Variants in SVIL observed in about 807,000 individuals in gnomAD.
SVIL encodes the protein supervillin.
A neutral mutation model predicts 240.4 loss-of-function variants in SVIL; 101 were observed. The ratio of observed to expected loss-of-function variants is 0.42; its 90% CI spans 0.36 to 0.50. SVIL has a LOEUF of 0.50. Among genes scored for constraint, SVIL ranks in the 20% least tolerant of loss-of-function variants. The probability of loss-of-function intolerance (pLI) is 0.01; values close to 1 mark genes in which losing one functional copy is unlikely to be tolerated. For synonymous variants in SVIL, 999 were observed against 1,100.0 expected (o/e 0.91, Z 1.82); for missense variants, 2,512 against 2,818.7 (o/e 0.89, Z 2.46).
rs375614783 is a variant in SVIL at position 29,554,776 on chromosome 10, C to T, written c.160+7G>A. The T allele has an allele frequency of 8.9e-6, 14 of 1,578,876 alleles. No individual in the cohort carries two copies. Among genetic ancestry groups the T allele is most frequent in the African/African-American group, 5.4e-5 (4 of 73,756 alleles). ...CTGGAAAATGGGCCACCCAGCTCCA[C>T]GCTCACCGATGTGGGGGCTGGCAGG... On this transcript the variant is annotated splice_region_variant and intron_variant, in intron 5 of 37. Coordinates refer to ENST00000355867, the MANE Select transcript of SVIL (RefSeq NM_021738.3).
chr10:29,571,051 C>T (rs1484324965), intron 1 of SVIL, among the ~76,000 whole-genome samples: 1 of 152,194 alleles, frequency 6.6e-6, no homozygotes, highest in Non-Finnish European at 1.5e-5. Context: ...ACGGCTCGGT[C>T]ACACAGCCTG....
rs116054889 is a variant in SVIL, at chr10:29,573,323, C to T, written c.-200-4011G>A. On this transcript the variant is annotated intron_variant, in intron 1 of 37. Transcript: ENST00000355867. Reference sequence around the variant, plus strand: ...AATTCTTTGCCTCACCCATGGATTACGGTACAAAGCAAACTGATTTAAATA... The same window carrying T: ...AATTCTTTGCCTCACCCATGGATTATGGTACAAAGCAAACTGATTTAAATA... 8.6e-3 allele frequency among the ~76,000 whole-genome samples: 1,309 copies of T among 152,038 alleles called. 22 individuals are homozygous for T. The highest frequency in any genetic ancestry group is 0.03 in the African/African-American group (1,229 of 41,464).
intron 16 of SVIL, 52 bp downstream of exon 16, chr10:29,522,358 G>T: frequency 6.3e-7 from 1 of 1,578,248 alleles, no homozygotes; most frequent in South Asian, 1.1e-5. Context: ...CTAAAAGCAA[G>T]CTGTAAGCTC....
intron 1 of SVIL, among the ~76,000 whole-genome samples, chr10:29,696,726 G>A (rs1287248354): frequency 2.0e-5 from 3 of 148,610 alleles, no homozygotes; most frequent in Non-Finnish European, 3.0e-5. Context: ...CAACCGCCCC[G>A]TCTGAGAAGT....
intron 1 of SVIL, among the ~76,000 whole-genome samples, chr10:29,571,470 A>C (rs1955415497): frequency 6.6e-6 from 1 of 152,222 alleles, no homozygotes; most frequent in Admixed American, 6.5e-5. Flanking sequence ...GGGACGCTTG[A>C]GTATTTCCAG....
At chr10:29,513,479 T>C (rs1243005459) in intron 16 of SVIL, among the ~76,000 whole-genome samples, 1 of 152,154 alleles carries the variant, frequency 6.6e-6, no homozygotes, top group African/African-American at 2.4e-5. Flanking sequence ...GAGGTTGCAG[T>C]GAGCCGAGAT....
intron 7 of SVIL, among the ~76,000 whole-genome samples, chr10:29,534,461 C>T (rs1185692737): frequency 6.6e-6 from 1 of 152,194 alleles, no homozygotes; most frequent in African/African-American, 2.4e-5. Flanking sequence ...TATGATTGTA[C>T]AGCTACACTC....
At chr10:29,568,012 G>A (rs1241878963) in intron 2 of SVIL, among the ~76,000 whole-genome samples, 3 of 132,864 alleles carry the variant, frequency 2.3e-5, no homozygotes, top group Admixed American at 7.6e-5. Context: ...GAGAGACTCC[G>A]TCTCAAAAAA....
At chr10:29,643,822 C>G (rs1275437623) in intron 3 of SVIL, among the ~76,000 whole-genome samples, 1 of 152,100 alleles carries the variant, frequency 6.6e-6, no homozygotes, top group South Asian at 2.1e-4. Context: ...TTTTCTCTCC[C>G]GGGCTGTAGC....
In SVIL at chr10:29,533,401, G is replaced by A. The variant is rs758838524; in HGVS notation, c.966C>T (p.Leu322=). The change falls in exon 8 of 38, where the codon CTC becomes CTT. Residue 322 remains leucine (L), a synonymous_variant. Transcript: ENST00000355867. ...TCCTCTGAGTTACGGACTCTGAGGC[G>A]AGTTCAGGGCTGTTTCGAGCACTTT... ...KEESARNSPE[L]ASESVTQRRH... is the part of the protein sequence containing the mutation. The A allele has an allele frequency of 5.0e-5, 80 of 1,614,054 alleles. No homozygotes were observed. The highest frequency in any genetic ancestry group is 6.4e-5 in the Non-Finnish European group (75 of 1,180,028).
intron 7 of SVIL, among the ~76,000 whole-genome samples, 196 bp downstream of exon 7, chr10:29,535,793 G>A (rs577538972): frequency 2.6e-5 from 4 of 152,332 alleles, no homozygotes; most frequent in African/African-American, 9.6e-5. Flanking sequence ...AAAAGAGGGG[G>A]AAGGAGAGAT....
At chr10:29,549,542 A>G (rs1367311986) in intron 6 of SVIL, among the ~76,000 whole-genome samples, 1 of 145,824 alleles carries the variant, frequency 6.9e-6, no homozygotes, top group Non-Finnish European at 1.5e-5. Context: ...AAAGGACTAT[A>G]AATCATTCTG....
chr10:29,688,557 C>A (rs990578113), intron 1 of SVIL, among the ~76,000 whole-genome samples: 2 of 152,222 alleles, frequency 1.3e-5, no homozygotes, highest in Non-Finnish European at 2.9e-5. Flanking sequence ...TAGCTGGGCT[C>A]TTTGCCTTAG....
chr10:29,701,738 G>C (rs1962528543), intron 1 of SVIL, among the ~76,000 whole-genome samples: 1 of 152,004 alleles, frequency 6.6e-6, no homozygotes, highest in South Asian at 2.1e-4. Context: ...CTTGACACTT[G>C]AAATCTTATA....
intron 1 of SVIL, among the ~76,000 whole-genome samples, chr10:29,733,463 C>T (rs34549825): frequency 0.047 from 7,076 of 151,912 alleles, 207 homozygotes; most frequent in East Asian, 0.079. Context: ...TAGCTAAGAC[C>T]ACAGGTAATT....
In SVIL at chr10:29,467,780, C is replaced by G. The variant is rs1274833007; in HGVS notation, c.5939G>C (p.Gly1980Ala). 6.2e-7 allele frequency: 1 copy of G among 1,614,198 alleles called. No homozygotes were observed. The highest frequency in any genetic ancestry group is 1.3e-5 in the African/African-American group (1 of 75,044). The part of the protein sequence containing the change: ...SEPLGFWDAL[G>A]RRDRKAYDCM... ...ATCGTAGGCTTTCCTGTCTCTCCTT[C>G]CTAAGGCATCCCAGAATCCGAGTGG... The change falls in exon 33 of 38, where the codon GGA becomes GCA. Residue 1980 changes from glycine to alanine, a missense_variant. Gly to Ala is a moderately conservative substitution (Grantham distance 60, BLOSUM62 0). Coordinates refer to ENST00000355867, the MANE Select transcript of SVIL (RefSeq NM_021738.3).
rs900153604 is a variant in SVIL, at chr10:29,551,068, T to C, written c.356A>G (p.Lys119Arg). Reference sequence around the variant, plus strand: ...CTCGGGATCCAGAGTCAGCCCATACTTCTCTGCCAGCTGTCGCCTTCTTTC... The same window carrying C: ...CTCGGGATCCAGAGTCAGCCCATACCTCTCTGCCAGCTGTCGCCTTCTTTC... Reference protein sequence around the residue: ...KAERRRQLAEKYGLTLDPEAD... With the variant: ...KAERRRQLAERYGLTLDPEAD... The change falls in exon 6 of 38, where the codon AAG (lysine) becomes AGG (arginine). Residue 119 changes from lysine to arginine, a missense_variant. Around this residue, in one of 3 missense-constraint regions of SVIL, gnomAD observed 1,443 missense variants for 1,486.6 expected, o/e 0.97. Coordinates refer to ENST00000355867, the MANE Select transcript of SVIL (RefSeq NM_021738.3). 14 of 1,614,180 alleles carry C rather than the reference T, an allele frequency of 8.7e-6. No homozygotes were observed. The highest frequency in any genetic ancestry group is 1.1e-5 in the Non-Finnish European group (13 of 1,180,034).
chr10:29,666,890 A>G (rs549396151), intron 2 of SVIL, among the ~76,000 whole-genome samples: 6 of 152,280 alleles, frequency 3.9e-5, no homozygotes, highest in African/African-American at 1.2e-4. Flanking sequence ...TGTAGCTCCC[A>G]TAGAGTCCAT....
intron 3 of SVIL, among the ~76,000 whole-genome samples, chr10:29,555,915 G>A (rs894430988): frequency 1.3e-5 from 2 of 152,190 alleles, no homozygotes; most frequent in African/African-American, 4.8e-5. Context: ...TAAAGTGGCC[G>A]CTTCAATTAG....
Sources: allele counts gnomAD v4.1 joint callset (sites outside exome capture counted in the v4.1 genomes callset), GRCh38; gene constraint gnomAD v4.1.1; regional missense constraint gnomAD v4.1.1; transcripts MANE v1.5; gene names NCBI Gene and HGNC (gene_info 2026-07-23, HGNC 2026-07-21).